JPH3: variants seen among roughly 807,000 people sequenced by gnomAD.
The protein encoded by JPH3 is junctophilin 3.
Under a neutral mutation model 59.6 loss-of-function variants are expected in JPH3, and 11 were observed. The ratio of observed to expected loss-of-function variants is 0.18; its 90% CI spans 0.12 to 0.31. JPH3 has a LOEUF of 0.31. JPH3 is among the 10% of genes least tolerant of loss of function. JPH3 has a pLI of 1.00. For synonymous variants in JPH3, 673 were observed against 483.6 expected, an observed-to-expected ratio of 1.39 and a Z score of -5.14; for missense variants, 1,202 against 1,105.7, an observed-to-expected ratio of 1.09 and a Z score of -1.24.
intron 1 of JPH3, among the ~76,000 whole-genome samples, chr16:87,606,935 A>AT (rs1295570282): frequency 6.6e-6 from 1 of 152,002 alleles, no homozygotes; most frequent in Non-Finnish European, 1.5e-5. Context: ...TGTTATTCTC[A>AT]TTTTCCACAC....
chr16:87,631,156 G>C (rs921848723), intron 1 of JPH3, among the ~76,000 whole-genome samples: 2 of 152,116 alleles, frequency 1.3e-5, no homozygotes, highest in Admixed American at 1.3e-4. Flanking sequence ...AAATACGTTT[G>C]TTTATTGATT....
intron 1 of JPH3, among the ~76,000 whole-genome samples, chr16:87,637,608 T>C (rs1284126311): frequency 6.6e-6 from 1 of 152,096 alleles, no homozygotes; most frequent in Admixed American, 6.5e-5. Flanking sequence ...GGTGAGACCC[T>C]AGTGACTCAC....
At chr16:87,691,596 C>T (rs1303610450) in intron 4 of JPH3, among the ~76,000 whole-genome samples, 1 of 152,118 alleles carries the variant, frequency 6.6e-6, no homozygotes, top group African/African-American at 2.4e-5. Context: ...GTTTTCTCCT[C>T]CTGCCAGCCC....
chr16:87,610,001 G>A (rs1023009181), intron 1 of JPH3, among the ~76,000 whole-genome samples: 3 of 152,182 alleles, frequency 2.0e-5, no homozygotes, highest in African/African-American at 4.8e-5. Flanking sequence ...CAACTAGACG[G>A]TCTCATCTGG....
intron 4 of JPH3, among the ~76,000 whole-genome samples, chr16:87,692,066 C>G (rs1426294761): frequency 6.6e-6 from 1 of 152,124 alleles, no homozygotes; most frequent in East Asian, 1.9e-4. Context: ...CTGGTCCTGC[C>G]CGGTCTCCAG....
chr16:87,620,068 G>A (rs544511588), intron 1 of JPH3, among the ~76,000 whole-genome samples: 39 of 152,252 alleles, frequency 2.6e-4, no homozygotes, highest in African/African-American at 8.2e-4. Context: ...AACAAGAGCC[G>A]GAGGTAAACC....
rs776382406 is a variant in JPH3 at position 87,690,303 on chromosome 16, G to T, written c.1943G>T (p.Arg648Leu). Reference protein sequence around the residue: ...GLGDDHRPEDRGFGVQRLRSK... With the variant: ...GLGDDHRPEDLGFGVQRLRSK... ...GGGGACGACCACCGCCCCGAGGACC[G>T]GGGCTTCGGGGTGCAGAGACTGCGG... Residue 648 changes from arginine (R) to leucine (L), a missense_variant, in exon 4 of 5, where the codon CGG becomes CTG. Transcript: ENST00000284262. The T allele has an allele frequency of 6.3e-7, 1 of 1,594,626 alleles. No individual in the cohort carries two copies. Among genetic ancestry groups the T allele is most frequent in the Admixed American group, 1.7e-5 (1 of 57,552 alleles).
At chr16:87,631,186 C>G (rs936976763) in intron 1 of JPH3, among the ~76,000 whole-genome samples, 1 of 152,308 alleles carries the variant, frequency 6.6e-6, no homozygotes, top group East Asian at 1.9e-4. Flanking sequence ...CTTCCCAATT[C>G]TTCCCCCATT....
At chr16:87,679,849 A>T (rs1194582398) in intron 2 of JPH3, among the ~76,000 whole-genome samples, 1 of 152,214 alleles carries the variant, frequency 6.6e-6, no homozygotes, top group African/African-American at 2.4e-5. Flanking sequence ...CTCCCTGCCC[A>T]TGGCCCTTCA....
intron 2 of JPH3, among the ~76,000 whole-genome samples, chr16:87,674,647 A>G (rs2033100526): frequency 6.6e-6 from 1 of 152,214 alleles, no homozygotes; most frequent in Admixed American, 6.5e-5. Flanking sequence ...ATGAAGAGTC[A>G]TTTTCTGTGG....
chr16:87,641,930 C>A (rs1225882337), intron 1 of JPH3, among the ~76,000 whole-genome samples: 1 of 152,174 alleles, frequency 6.6e-6, no homozygotes, highest in East Asian at 1.9e-4. Context: ...GCCGCGGGTG[C>A]CGGGCATGGG....
chr16:87,691,058 G>A (rs1029666516), intron 4 of JPH3, among the ~76,000 whole-genome samples: 1 of 151,378 alleles, frequency 6.6e-6, no homozygotes, highest in Admixed American at 6.6e-5. Flanking sequence ...GGCCCGCTGT[G>A]TGCAACTCAC....
rs1322317309 is a variant in JPH3, at chr16:87,637,775, T to G, written c.383-6483T>G. On this transcript the variant is annotated intron_variant, in intron 1 of 4. Coordinates refer to ENST00000284262, the MANE Select transcript of JPH3 (RefSeq NM_020655.4). ...GACTCCCTGTGCCCCCGGGGTTGGC[T>G]TCTTGCTCAAGGATTCCAGATGCTG... Among the ~76,000 whole-genome samples the G allele has an allele frequency of 1.3e-5, 2 of 152,176 alleles. 1 individual carries two copies. Among genetic ancestry groups the G allele is most frequent in the East Asian group, 3.8e-4 (2 of 5,198 alleles).
intron 2 of JPH3, among the ~76,000 whole-genome samples, chr16:87,656,249 A>G (rs1161802716): frequency 1.3e-5 from 2 of 152,224 alleles, no homozygotes; most frequent in Non-Finnish European, 2.9e-5. Flanking sequence ...TGTTCCTTCC[A>G]GCCGAACCCT....
chr16:87,694,416 A>C (rs1237661889), intron 4 of JPH3: 2 of 152,198 alleles, frequency 1.3e-5, no homozygotes, highest in African/African-American at 4.8e-5. Flanking sequence ...TCCCCGGGCC[A>C]GACGGTCAAG....
chr16:87,682,721 T>A (rs1423443265), intron 2 of JPH3, among the ~76,000 whole-genome samples: 1 of 152,100 alleles, frequency 6.6e-6, no homozygotes, highest in Non-Finnish European at 1.5e-5. Context: ...TCAGGAACCG[T>A]GAACAGGAGA....
intron 1 of JPH3, 46 bp from the exon 2 acceptor site, chr16:87,644,212 C>A: frequency 1.9e-6 from 3 of 1,549,654 alleles, no homozygotes; most frequent in Non-Finnish European, 1.8e-6. Flanking sequence ...GGCTGTGCCC[C>A]CTCCTCTGTC....
chr16:87,631,133 C>A (rs951765808), intron 1 of JPH3, among the ~76,000 whole-genome samples: 1 of 152,194 alleles, frequency 6.6e-6, no homozygotes, highest in Non-Finnish European at 1.5e-5. Flanking sequence ...TTCAGTAATA[C>A]ACACAAATGT....
In JPH3 at chr16:87,696,919, C is replaced by CGGGCT; in HGVS notation, c.*259_*260insGGGCT. 2.2e-6 allele frequency: 1 copy of CGGGCT among 463,636 alleles called. No individual in the cohort carries two copies. Among genetic ancestry groups the CGGGCT allele is most frequent in the Non-Finnish European group, 4.0e-6 (1 of 251,738 alleles). The allele number at this position is 463,636 out of a possible 1,614,324, so 28.7% of individuals were successfully genotyped here. On this transcript the variant is annotated 3_prime_UTR_variant, in exon 5 of 5. Transcript: ENST00000284262. ...GGCAGAAGGAGGCCAGCACGCAGCC[C>CGGGCT]CTCCAGCTCCACGTGGAGACAGAAG...
Sources: allele counts gnomAD v4.1 joint callset (sites outside exome capture counted in the v4.1 genomes callset), GRCh38; gene constraint gnomAD v4.1.1; transcripts MANE v1.5; gene names NCBI Gene and HGNC (gene_info 2026-07-23, HGNC 2026-07-21).